SHISA6: variants seen among roughly 807,000 people sequenced by gnomAD.
The protein encoded by SHISA6 is protein shisa-6.
Under a neutral mutation model 47.9 loss-of-function variants are expected in SHISA6, and 22 were observed. The ratio of observed to expected loss-of-function variants is 0.46; its 90% CI spans 0.33 to 0.66. The LOEUF (loss-of-function observed/expected upper bound fraction) is 0.66. SHISA6 is among the 30% of genes least tolerant of loss of function. The pLI, the probability that SHISA6 is intolerant of heterozygous loss-of-function variation, is 0.02. For missense variants in SHISA6, 680 were observed against 764.6 expected (o/e 0.89, Z 1.30); for synonymous variants, 388 against 337.8 (o/e 1.15, Z -1.63).
chr17:11,509,873 A>G (rs538439137), intron 3 of SHISA6, among the ~76,000 whole-genome samples: 93 of 152,300 alleles, frequency 6.1e-4, no homozygotes, highest in Middle Eastern at 3.4e-3. Flanking sequence ...GCAAGGAGGA[A>G]CATCTATGGT....
chr17:11,350,183 T>TTTATTTTTTTTTTA (rs1491221716), intron 2 of SHISA6, among the ~76,000 whole-genome samples: 1 of 81,688 alleles, frequency 1.2e-5, no homozygotes, highest in Non-Finnish European at 2.6e-5. Flanking sequence ...TATTTATTTA[T>TTTATTTTTTTTTTA]TTTTTTTTTT....
chr17:11,370,250 A>G (rs981914452), intron 2 of SHISA6, among the ~76,000 whole-genome samples: 2 of 152,166 alleles, frequency 1.3e-5, no homozygotes, highest in East Asian at 3.9e-4. Context: ...ATTTTTAGCC[A>G]TGTAACTTTC....
At chr17:11,551,117 A>G (rs1196708934) in intron 3 of SHISA6, among the ~76,000 whole-genome samples, 1 of 152,258 alleles carries the variant, frequency 6.6e-6, no homozygotes, top group Non-Finnish European at 1.5e-5. Flanking sequence ...ATGAAAAACA[A>G]GAACATAATG....
At chr17:11,270,672 T>C (rs907252315) in intron 2 of SHISA6, among the ~76,000 whole-genome samples, 2 of 152,222 alleles carry the variant, frequency 1.3e-5, no homozygotes, top group Non-Finnish European at 2.9e-5. Flanking sequence ...TCATAAAATT[T>C]GGACATATGT....
chr17:11,354,918 C>A (rs1239980554), intron 2 of SHISA6, among the ~76,000 whole-genome samples: 1 of 152,220 alleles, frequency 6.6e-6, no homozygotes, highest in Non-Finnish European at 1.5e-5. Context: ...AAGGTCCTAG[C>A]AGCCACCTGT....
intron 3 of SHISA6, among the ~76,000 whole-genome samples, chr17:11,392,450 A>G (rs1913418372): frequency 6.6e-6 from 1 of 152,326 alleles, no homozygotes; most frequent in East Asian, 1.9e-4. Context: ...TTTCTCTCAC[A>G]GAACTGGATT....
intron 3 of SHISA6, among the ~76,000 whole-genome samples, chr17:11,416,180 A>T (rs967958952): frequency 1.3e-5 from 2 of 152,184 alleles, no homozygotes; most frequent in African/African-American, 4.8e-5. Context: ...GGAATTTGAG[A>T]GGTGGGGACC....
intron 2 of SHISA6, among the ~76,000 whole-genome samples, chr17:11,339,129 C>T (rs1443596017): frequency 6.8e-5 from 10 of 146,224 alleles, no homozygotes; most frequent in South Asian, 4.4e-4. Context: ...CAAACCTGCA[C>T]ATTGTGCACA....
chr17:11,335,684 C>A lies in SHISA6; in HGVS notation c.800-43730C>A, dbSNP rs993694128. Among the ~76,000 whole-genome samples the A allele has an allele frequency of 2.1e-4, 32 of 152,088 alleles. 1 individual carries two copies. Among genetic ancestry groups the A allele is most frequent in the African/African-American group, 7.0e-4 (29 of 41,396 alleles). On this transcript the variant is annotated intron_variant, in intron 2 of 5. Transcript: ENST00000441885. ...CCAAGGAAACTGGAATATTTTCCCACGAATTATCAGGAGCCCGAGGTTCCA... is the reference window on the plus strand; with the variant it reads ...CCAAGGAAACTGGAATATTTTCCCAAGAATTATCAGGAGCCCGAGGTTCCA...
chr17:11,366,712 G>A (rs990299232), intron 2 of SHISA6, among the ~76,000 whole-genome samples: 1 of 152,142 alleles, frequency 6.6e-6, no homozygotes, highest in African/African-American at 2.4e-5. Context: ...GTCCTGATGG[G>A]CCTTGCTGAT....
chr17:11,408,553 T>C (rs1567597984), intron 3 of SHISA6, among the ~76,000 whole-genome samples: 1 of 152,354 alleles, frequency 6.6e-6, no homozygotes, highest in East Asian at 1.9e-4. Flanking sequence ...TTTAAGTATC[T>C]TGTCCTCAAG....
intron 2 of SHISA6, among the ~76,000 whole-genome samples, chr17:11,314,130 T>G (rs1240287758): frequency 1.3e-5 from 2 of 152,176 alleles, no homozygotes; most frequent in Admixed American, 6.5e-5. Context: ...CCCTTGTTTC[T>G]TTATTGGTTT....
At chr17:11,454,434 T>TTCTTCAAG (rs1348606346) in intron 3 of SHISA6, among the ~76,000 whole-genome samples, 2 of 152,204 alleles carry the variant, frequency 1.3e-5, no homozygotes, top group East Asian at 3.9e-4. Context: ...ATCAGATAAC[T>TTCTTCAAG]CCTTACTTCA....
chr17:11,527,562 C>T (rs1321805075), intron 3 of SHISA6, among the ~76,000 whole-genome samples: 2 of 151,972 alleles, frequency 1.3e-5, no homozygotes, highest in Non-Finnish European at 1.5e-5. Context: ...GAAATAACCT[C>T]ATGAAAAAAC....
intron 2 of SHISA6, among the ~76,000 whole-genome samples, chr17:11,328,228 G>C: frequency 6.6e-6 from 1 of 152,178 alleles, no homozygotes; most frequent in South Asian, 2.1e-4. Context: ...ATGACTGCAG[G>C]TTCTCAGCTC....
chr17:11,296,536 A>G (rs1221752269), intron 2 of SHISA6, among the ~76,000 whole-genome samples: 1 of 152,206 alleles, frequency 6.6e-6, no homozygotes, highest in South Asian at 2.1e-4. Context: ...AAGAGTCCTC[A>G]GTAGCCAGTG....
chr17:11,269,069 T>C (rs544773644), intron 2 of SHISA6, among the ~76,000 whole-genome samples: 1 of 150,290 alleles, frequency 6.7e-6, no homozygotes, highest in African/African-American at 2.5e-5. Flanking sequence ...TTTAATGGAG[T>C]CTTGCCCTGT....
chr17:11,416,911 C>T (rs1318248552), intron 3 of SHISA6, among the ~76,000 whole-genome samples: 1 of 152,124 alleles, frequency 6.6e-6, no homozygotes, highest in East Asian at 1.9e-4. Context: ...ACAAAATCTT[C>T]ATCCCAGAGA....
At chr17:11,264,494 C>G (rs190312907) in intron 2 of SHISA6, among the ~76,000 whole-genome samples, 2 of 152,332 alleles carry the variant, frequency 1.3e-5, no homozygotes, top group African/African-American at 4.8e-5. Flanking sequence ...AGTGGACAGT[C>G]TCCTTAACAA....
Sources: allele counts gnomAD v4.1 joint callset (sites outside exome capture counted in the v4.1 genomes callset), GRCh38; gene constraint gnomAD v4.1.1; transcripts MANE v1.5; gene names NCBI Gene and HGNC (gene_info 2026-07-23, HGNC 2026-07-21).